The following ITGA8 variants were observed in gnomAD, a reference collection of about 807,000 sequenced individuals.
ITGA8 encodes the protein integrin subunit alpha 8, also known as integrin alpha-8.
ITGA8 carries 91 observed loss-of-function variants against 142.3 expected under a neutral mutation model. The ratio of observed to expected loss-of-function variants is 0.64; its 90% CI spans 0.54 to 0.76. The LOEUF (loss-of-function observed/expected upper bound fraction) is 0.76, where lower values mean the gene tolerates loss of function less well. Ranked by LOEUF, ITGA8 falls within the 30% of genes least tolerant of loss-of-function variation. ITGA8 has a pLI of 0.00. For synonymous variants in ITGA8, 505 were observed against 485.2 expected, an observed-to-expected ratio of 1.04 and a Z score of -0.54; for missense variants, 1,406 against 1,327.7, an observed-to-expected ratio of 1.06 and a Z score of -0.92.
At chr10:15,595,311 C>G (rs1340577103) in intron 21 of ITGA8, among the ~76,000 whole-genome samples, 2 of 151,682 alleles carry the variant, frequency 1.3e-5, no homozygotes, top group Non-Finnish European at 2.9e-5. Flanking sequence ...GGAATTTTAC[C>G]ACAACCCACT....
intron 11 of ITGA8, among the ~76,000 whole-genome samples, chr10:15,652,821 C>T (rs555795774): frequency 6.6e-6 from 1 of 152,324 alleles, no homozygotes; most frequent in East Asian, 1.9e-4. Flanking sequence ...CCCTCCAAGC[C>T]ACTGTCCTGC....
In ITGA8 at chr10:15,684,010, G is replaced by A. The variant is rs1182205641; in HGVS notation, c.562C>T (p.Arg188Trp). ...FSAYAEFSPCRNSNADPEGQG... is the reference protein window; with the variant it reads ...FSAYAEFSPCWNSNADPEGQG... Reference sequence around the variant, plus strand: ...AGGAATAAAAGTTGCTTACTGTTCCGGCAAGGAGAGAACTCGGCATAGGCG... The same window carrying A: ...AGGAATAAAAGTTGCTTACTGTTCCAGCAAGGAGAGAACTCGGCATAGGCG... The change falls in exon 4 of 30, where the codon CGG becomes TGG. Residue 188 changes from arginine to tryptophan, a missense_variant. Coordinates refer to ENST00000378076, the MANE Select transcript of ITGA8 (RefSeq NM_003638.3). 7 of 1,614,042 alleles carry A rather than the reference G, an allele frequency of 4.3e-6. No individual in the cohort carries two copies. Among genetic ancestry groups the A allele is most frequent in the African/African-American group, 1.3e-5 (1 of 75,030 alleles).
At chr10:15,596,255 C>T (rs759812751) in intron 21 of ITGA8, among the ~76,000 whole-genome samples, 5 of 152,108 alleles carry the variant, frequency 3.3e-5, no homozygotes, top group East Asian at 1.9e-4. Flanking sequence ...ATGTTGCAGA[C>T]GGGATAGAAC....
Position 15,583,525 on chromosome 10 carries a change from A to G in ITGA8, c.2372+3059T>C, listed in dbSNP as rs115894326. Among the ~76,000 whole-genome samples the G allele has an allele frequency of 4.4e-3, 676 of 152,334 alleles. 6 individuals carry two copies. Among genetic ancestry groups the G allele is most frequent in the African/African-American group, 0.016 (650 of 41,564 alleles). ...ACTTAAAGTATAATAATAAAAAAGT[A>G]TATATATAAAAAGAAACTGTCTACT... On this transcript the variant is annotated intron_variant, in intron 23 of 29. Coordinates refer to ENST00000378076, the MANE Select transcript of ITGA8 (RefSeq NM_003638.3).
At chr10:15,678,907 T>C (rs1258910342) in intron 4 of ITGA8, 124 bp from the exon 5 acceptor site, 2 of 535,696 alleles carry the variant, frequency 3.7e-6, no homozygotes, top group Non-Finnish European at 6.5e-6. Flanking sequence ...TCAATATGTG[T>C]TTTATGTTTA....
Position 15,695,188 on chromosome 10 carries a change from G to T in ITGA8, c.344-7150C>A, listed in dbSNP as rs191029001. Among the ~76,000 whole-genome samples the T allele has an allele frequency of 7.2e-5, 11 of 152,138 alleles. No individual in the cohort carries two copies. In the East Asian group the frequency reaches 2.1e-3, roughly 29 times the overall value. Reference sequence around the variant, plus strand: ...GTAATATTTTTCTTCTGGACCAAGGGTACAAATGAACGGGCTTCATTAATT... The same window carrying T: ...GTAATATTTTTCTTCTGGACCAAGGTTACAAATGAACGGGCTTCATTAATT... On this transcript the variant is annotated intron_variant, in intron 2 of 29. Transcript: ENST00000378076.
intron 28 of ITGA8, among the ~76,000 whole-genome samples, chr10:15,523,194 G>A (rs911731129): frequency 7.2e-5 from 11 of 152,188 alleles, no homozygotes; most frequent in Non-Finnish European, 1.3e-4. Context: ...TACCTACTGA[G>A]TACTTTGCTA....
chr10:15,600,385 T>TTA (rs1425772280), intron 20 of ITGA8, among the ~76,000 whole-genome samples: 7 of 152,244 alleles, frequency 4.6e-5, no homozygotes, highest in Non-Finnish European at 1.0e-4. Flanking sequence ...TAAGTCTCAA[T>TTA]TATTATTTGA....
chr10:15,530,673 C>G (rs1185346438), intron 28 of ITGA8, among the ~76,000 whole-genome samples: 1 of 152,056 alleles, frequency 6.6e-6, no homozygotes. Flanking sequence ...CATGCGGCTG[C>G]TCCGTAGCCT....
intron 4 of ITGA8, among the ~76,000 whole-genome samples, chr10:15,681,154 C>T (rs1005792668): frequency 2.0e-5 from 3 of 152,118 alleles, no homozygotes; most frequent in Non-Finnish European, 4.4e-5. Context: ...ATCAGCAGAG[C>T]GGGTTTGCGG....
At chr10:15,616,741 C>T (rs919046972) in intron 13 of ITGA8, among the ~76,000 whole-genome samples, 182 bp from the exon 14 acceptor site, 5 of 79,548 alleles carry the variant, frequency 6.3e-5, no homozygotes, top group African/African-American at 1.6e-4. Flanking sequence ...TTCACTATAA[C>T]CAACTTAATA....
At chr10:15,634,791 T>C (rs1039687652) in intron 13 of ITGA8, among the ~76,000 whole-genome samples, 2 of 152,002 alleles carry the variant, frequency 1.3e-5, no homozygotes, top group Non-Finnish European at 2.9e-5. Context: ...GAGGGACAAA[T>C]GGTGAAATTC....
chr10:15,560,896 G>C (rs902423317), intron 25 of ITGA8, among the ~76,000 whole-genome samples: 6 of 151,798 alleles, frequency 4.0e-5, no homozygotes, highest in Non-Finnish European at 7.4e-5. Flanking sequence ...ATTTTAAAAG[G>C]GTCTCCTTAT....
chr10:15,625,469 C>G (rs1833565010), intron 13 of ITGA8, among the ~76,000 whole-genome samples: 1 of 140,580 alleles, frequency 7.1e-6, no homozygotes, highest in African/African-American at 2.6e-5. Context: ...GCTGAAAGCC[C>G]TGGAGGAAGG....
chr10:15,575,389 C>CAATAAT, intron 24 of ITGA8, 100 bp downstream of exon 24: 1 of 877,992 alleles, frequency 1.1e-6, no homozygotes, highest in Non-Finnish European at 1.9e-6. Context: ...GATCCTGTCT[C>CAATAAT]AATAATAATA....
chr10:15,652,048 AT>A (rs1834095483), intron 11 of ITGA8, among the ~76,000 whole-genome samples: 1 of 152,268 alleles, frequency 6.6e-6, no homozygotes, highest in South Asian at 2.1e-4. Flanking sequence ...TAATAAAAAA[AT>A]AGTATGCATA....
At chr10:15,685,785 T>C (rs1321616469) in intron 3 of ITGA8, among the ~76,000 whole-genome samples, 1 of 152,144 alleles carries the variant, frequency 6.6e-6, no homozygotes, top group African/African-American at 2.4e-5. Flanking sequence ...TCGGCAAAAA[T>C]AAATTGAAAC....
intron 28 of ITGA8, among the ~76,000 whole-genome samples, chr10:15,527,382 T>C (rs4748179): frequency 0.52 from 78,450 of 152,124 alleles, 24,273 homozygotes; most frequent in Middle Eastern, 0.7. Flanking sequence ...CCTTTGGAAT[T>C]ACACAAGACA....
At chr10:15,625,304 G>A (rs1833561926) in intron 13 of ITGA8, among the ~76,000 whole-genome samples, 2 of 152,160 alleles carry the variant, frequency 1.3e-5, no homozygotes, top group African/African-American at 2.4e-5. Context: ...ATAGTTTTCT[G>A]TATATTATTA....
Sources: gnomAD v4.1 joint callset for allele counts (sites outside exome capture counted in the v4.1 genomes callset) on GRCh38, gnomAD v4.1.1 for gene constraint, MANE v1.5 for transcripts, NCBI Gene and HGNC (gene_info 2026-07-23, HGNC 2026-07-21) for gene names.